The following TTC28 variants were observed in gnomAD, a reference collection of about 807,000 sequenced individuals.
The protein encoded by TTC28 is tetratricopeptide repeat protein 28.
In TTC28, 61 loss-of-function variants were observed where a neutral mutation model predicts 198.0. That is an observed-to-expected ratio of 0.31 (90% CI 0.25 to 0.38). The LOEUF (loss-of-function observed/expected upper bound fraction) is 0.38, where lower values mean the gene tolerates loss of function less well. TTC28 is among the 10% of genes least tolerant of loss of function. TTC28 has a pLI of 1.00. For missense variants in TTC28, 2,678 were observed against 3,164.0 expected (o/e 0.85, Z 3.69); for synonymous variants, 1,171 against 1,297.8 (o/e 0.90, Z 2.10).
intron 2 of TTC28, among the ~76,000 whole-genome samples, chr22:28,431,831 AGCCGG>A (rs1190241799): frequency 3.9e-5 from 6 of 151,950 alleles, no homozygotes; most frequent in Non-Finnish European, 8.8e-5. Context: ...TACAAAAATG[AGCCGG>A]GCGTGGTGGC....
intron 5 of TTC28, among the ~76,000 whole-genome samples, chr22:28,199,548 T>TATATATATATATATATACACAC (rs60177369): frequency 4.1e-5 from 6 of 147,434 alleles, no homozygotes; most frequent in African/African-American, 1.5e-4. Context: ...TATATATATA[T>TATATATATATATATATACACAC]ACACACAAAC....
At chr22:28,086,184 C>G (rs1941589030) in intron 12 of TTC28, among the ~76,000 whole-genome samples, 1 of 152,116 alleles carries the variant, frequency 6.6e-6, no homozygotes. Flanking sequence ...CTACAGAACT[C>G]TCCACCCCAA....
At chr22:28,104,147 C>T (rs999344849) in intron 8 of TTC28, among the ~76,000 whole-genome samples, 2 of 152,164 alleles carry the variant, frequency 1.3e-5, no homozygotes, top group Non-Finnish European at 2.9e-5. Context: ...TCCTGGCTTC[C>T]CAGTGGGGGC....
chr22:28,182,768 C>T (rs1923825513), intron 5 of TTC28, among the ~76,000 whole-genome samples: 1 of 152,172 alleles, frequency 6.6e-6, no homozygotes, highest in African/African-American at 2.4e-5. Flanking sequence ...TAACCTCTAT[C>T]CCCTGTTGAA....
intron 1 of TTC28, among the ~76,000 whole-genome samples, chr22:28,638,638 TACAC>T (rs1347248880): frequency 6.6e-6 from 1 of 152,116 alleles, no homozygotes; most frequent in African/African-American, 2.4e-5. Flanking sequence ...ACAAAGGACA[TACAC>T]AGACAAATCA....
chr22:28,006,515 CA>C (rs1195553691), intron 14 of TTC28: 1 of 152,230 alleles, frequency 6.6e-6, no homozygotes, highest in Non-Finnish European at 1.5e-5. Flanking sequence ...TACAAACATT[CA>C]TGTGGCTAAA....
intron 12 of TTC28, among the ~76,000 whole-genome samples, chr22:28,071,656 C>G (rs1046208964): frequency 7.0e-6 from 1 of 142,982 alleles, no homozygotes; most frequent in African/African-American, 2.6e-5. Flanking sequence ...GTGGGTGCAG[C>G]GCACCAGCAT....
intron 5 of TTC28, among the ~76,000 whole-genome samples, chr22:28,274,028 G>A (rs969799840): frequency 6.6e-6 from 1 of 152,118 alleles, no homozygotes; most frequent in Non-Finnish European, 1.5e-5. Context: ...ACATAACAAT[G>A]AGCAAAAGAA....
chr22:28,160,004 CA>C (rs1920996356), intron 6 of TTC28, among the ~76,000 whole-genome samples: 1 of 151,982 alleles, frequency 6.6e-6, no homozygotes, highest in African/African-American at 2.4e-5. Context: ...ATCTAAAAAT[CA>C]AAACAATTGA....
intron 2 of TTC28, among the ~76,000 whole-genome samples, chr22:28,492,441 T>A (rs1362766920): frequency 6.6e-6 from 1 of 151,978 alleles, no homozygotes; most frequent in Non-Finnish European, 1.5e-5. Flanking sequence ...AAATTAAACA[T>A]AAGTATTTAG....
chr22:28,515,972 C>A (rs1047631477), intron 2 of TTC28, among the ~76,000 whole-genome samples: 6 of 151,996 alleles, frequency 3.9e-5, no homozygotes, highest in African/African-American at 1.2e-4. Flanking sequence ...TGGCGAAACA[C>A]CGTCTCTACT....
intron 2 of TTC28, among the ~76,000 whole-genome samples, chr22:28,329,278 G>A (rs1438555272): frequency 6.6e-6 from 1 of 152,020 alleles, no homozygotes; most frequent in Admixed American, 6.6e-5. Context: ...AGAAAAATAA[G>A]CATAGAAACC....
intron 2 of TTC28, among the ~76,000 whole-genome samples, chr22:28,500,694 C>A (rs1182453820): frequency 6.6e-6 from 1 of 152,076 alleles, no homozygotes; most frequent in African/African-American, 2.4e-5. Context: ...ATGGACAATT[C>A]CGTATCACAG....
At chr22:28,510,026 G>C (rs1052996332) in intron 2 of TTC28, among the ~76,000 whole-genome samples, 1 of 152,056 alleles carries the variant, frequency 6.6e-6, no homozygotes, top group Non-Finnish European at 1.5e-5. Flanking sequence ...CTGAAATTGA[G>C]GCAGAAATAA....
At chr22:28,398,451 A>C (rs369645994) in intron 2 of TTC28, among the ~76,000 whole-genome samples, 20 of 152,234 alleles carry the variant, frequency 1.3e-4, no homozygotes, top group African/African-American at 4.6e-4. Context: ...AGCATAAAGA[A>C]GGGATGAAAG....
intron 2 of TTC28, among the ~76,000 whole-genome samples, chr22:28,320,451 T>C (rs1467203709): frequency 4.6e-5 from 7 of 152,210 alleles, no homozygotes; most frequent in African/African-American, 1.4e-4. Context: ...TGACATAAAT[T>C]GTACTTCGGG....
chr22:27,990,198 TG>T, intron 20 of TTC28, 191 bp from the exon 21 acceptor site: 1 of 705,944 alleles, frequency 1.4e-6, no homozygotes, highest in Non-Finnish European at 2.1e-6. Flanking sequence ...GGGAAGCTCA[TG>T]GGGCATTGGG....
intron 5 of TTC28, among the ~76,000 whole-genome samples, chr22:28,192,789 T>G (rs1464027987): frequency 6.6e-6 from 1 of 152,110 alleles, no homozygotes; most frequent in Non-Finnish European, 1.5e-5. Flanking sequence ...TATGGGACTA[T>G]GAGAAAAGAC....
chr22:28,621,958 TAG>T (rs1381202150), intron 2 of TTC28, among the ~76,000 whole-genome samples: 2 of 152,016 alleles, frequency 1.3e-5, no homozygotes, highest in Non-Finnish European at 2.9e-5. Context: ...TTACTTCCAG[TAG>T]AGACTGGCTA....
Sources: gnomAD v4.1 joint callset for allele counts (sites outside exome capture counted in the v4.1 genomes callset) on GRCh38, gnomAD v4.1.1 for gene constraint, MANE v1.5 for transcripts, NCBI Gene and HGNC (gene_info 2026-07-23, HGNC 2026-07-21) for gene names.